Variants in FBN2 observed in about 807,000 individuals in gnomAD.
FBN2 encodes fibrillin 2.
FBN2 carries 105 observed loss-of-function variants against 355.6 expected under a neutral mutation model. The ratio of observed to expected loss-of-function variants is 0.30; its 90% CI spans 0.25 to 0.35. The LOEUF (loss-of-function observed/expected upper bound fraction) is 0.35, where lower values mean the gene tolerates loss of function less well. FBN2 is among the 10% of genes least tolerant of loss of function. The pLI, the probability that FBN2 is intolerant of heterozygous loss-of-function variation, is 1.00. For missense variants in FBN2, 3,280 were observed against 3,758.7 expected (o/e 0.87, Z 3.33); for synonymous variants, 1,350 against 1,301.2 (o/e 1.04, Z -0.81).
intron 7 of FBN2, among the ~76,000 whole-genome samples, chr5:128,416,915 G>T (rs1482443103): frequency 2.0e-5 from 3 of 152,132 alleles, no homozygotes; most frequent in African/African-American, 4.8e-5. Context: ...GATAGGGATT[G>T]CACTGAATCT....
At chr5:128,480,724 CAAAT>C (rs763698450) in intron 5 of FBN2, among the ~76,000 whole-genome samples, 50 of 152,196 alleles carry the variant, frequency 3.3e-4, no homozygotes, top group Non-Finnish European at 5.1e-4. Context: ...GACTCCTTCT[CAAAT>C]AAATAAATAA....
At chr5:128,341,945 A>G (rs1751034550) in intron 25 of FBN2, among the ~76,000 whole-genome samples, 1 of 152,236 alleles carries the variant, frequency 6.6e-6, no homozygotes, top group Admixed American at 6.5e-5. Context: ...GGAGGCTTCA[A>G]TCCTGTTCAA....
At chr5:128,341,046 G>A (rs1021882140) in intron 25 of FBN2, among the ~76,000 whole-genome samples, 10 of 152,258 alleles carry the variant, frequency 6.6e-5, no homozygotes, top group Non-Finnish European at 1.2e-4. Context: ...ATGAGTGTGG[G>A]TACAGGACGG....
At chr5:128,426,290 G>C (rs978471225) in intron 7 of FBN2, among the ~76,000 whole-genome samples, 1 of 152,126 alleles carries the variant, frequency 6.6e-6, no homozygotes, top group Non-Finnish European at 1.5e-5. Context: ...GATCTTGACC[G>C]AGACTTCGAA....
rs539355155 is a variant in FBN2 at position 128,273,738 on chromosome 5, CT to C, written c.7840+101del. On this transcript the variant is annotated intron_variant, in intron 61 of 64. Transcript: ENST00000262464. ...TTGCTGGGTCCTATTTTGTTCAATA[CT>C]TTTTTTTCTTTTTTTCAGATTATAC... is the stretch of plus-strand genomic sequence containing the variant. 1,537 of 1,234,718 alleles carry C rather than the reference CT, an allele frequency of 1.2e-3. 2 individuals are homozygous for C. The highest frequency in any genetic ancestry group is 1.5e-3 in the Non-Finnish European group (1,289 of 849,478). The allele number at this position is 1,234,718 out of a possible 1,614,324, so 76.5% of individuals were successfully genotyped here. A position where few individuals can be genotyped will look rare whatever the true frequency, so the allele number is the denominator to read the frequency against.
intron 6 of FBN2, among the ~76,000 whole-genome samples, chr5:128,457,310 A>T (rs1176742501): frequency 1.3e-5 from 2 of 152,180 alleles, no homozygotes; most frequent in African/African-American, 2.4e-5. Flanking sequence ...TCATAAAATG[A>T]CCTAACCTAC....
chr5:128,479,908 C>T (rs1365305754), intron 5 of FBN2, among the ~76,000 whole-genome samples: 2 of 142,008 alleles, frequency 1.4e-5, no homozygotes, highest in South Asian at 4.6e-4. Flanking sequence ...GCCTGGGCAA[C>T]AGAACAAGAC....
intron 55 of FBN2, among the ~76,000 whole-genome samples, chr5:128,280,559 T>C (rs901669287): frequency 6.6e-6 from 1 of 152,134 alleles, no homozygotes; most frequent in African/African-American, 2.4e-5. Flanking sequence ...AGAGAAGGGA[T>C]AGTGTTAATA....
At chr5:128,359,703 T>C (rs987760665) in intron 19 of FBN2, among the ~76,000 whole-genome samples, 1 of 152,118 alleles carries the variant, frequency 6.6e-6, no homozygotes, top group Non-Finnish European at 1.5e-5. Context: ...TGAAGATCAC[T>C]GTTTCTAACC....
At chr5:128,379,421 G>A (rs1752171051) in intron 11 of FBN2, among the ~76,000 whole-genome samples, 1 of 151,886 alleles carries the variant, frequency 6.6e-6, no homozygotes, top group African/African-American at 2.4e-5. Context: ...CTAAAGCTTG[G>A]ATAATATTTT....
At chr5:128,312,004 G>A (rs1750070993) in intron 37 of FBN2, 51 bp from the exon 38 acceptor site, 2 of 1,266,334 alleles carry the variant, frequency 1.6e-6, no homozygotes, top group Non-Finnish European at 2.3e-6. Context: ...CCAAGTGGCT[G>A]AGACAATGAG....
At chr5:128,445,306 A>T (rs188931084) in intron 7 of FBN2, among the ~76,000 whole-genome samples, 2 of 152,220 alleles carry the variant, frequency 1.3e-5, no homozygotes, top group East Asian at 3.8e-4. Context: ...GTATATAACT[A>T]TAACAATTAA....
intron 48 of FBN2, among the ~76,000 whole-genome samples, chr5:128,295,032 C>T (rs1218118057): frequency 6.6e-6 from 1 of 151,248 alleles, no homozygotes; most frequent in Non-Finnish European, 1.5e-5. Context: ...AGGAAGGGAT[C>T]TAGTTTCAGC....
intron 7 of FBN2, among the ~76,000 whole-genome samples, chr5:128,441,109 G>T (rs1223483655): frequency 6.6e-6 from 1 of 152,064 alleles, no homozygotes; most frequent in Non-Finnish European, 1.5e-5. Flanking sequence ...TCAAGGCTCT[G>T]TATTTTTTTG....
chr5:128,263,984 G>A (rs1765051505), intron 62 of FBN2, among the ~76,000 whole-genome samples: 1 of 152,062 alleles, frequency 6.6e-6, no homozygotes, highest in African/African-American at 2.4e-5. Context: ...TATATCTCGG[G>A]CAAATCCTTA....
At chr5:128,289,814 TA>T in intron 51 of FBN2, 67 bp downstream of exon 51, 1 of 929,626 alleles carries the variant, frequency 1.1e-6, no homozygotes, top group Non-Finnish European at 1.7e-6. Context: ...GCATGAGTTA[TA>T]AAATAAATGT....
intron 5 of FBN2, among the ~76,000 whole-genome samples, chr5:128,495,082 T>A (rs1277537487): frequency 2.6e-5 from 4 of 152,014 alleles, no homozygotes; most frequent in Admixed American, 2.6e-4. Context: ...AGTGAGAATA[T>A]CATCAATGAG....
chr5:128,484,027 A>G (rs1755266041), intron 5 of FBN2, among the ~76,000 whole-genome samples: 1 of 152,218 alleles, frequency 6.6e-6, no homozygotes, highest in South Asian at 2.1e-4. Flanking sequence ...CGAATTACAT[A>G]TGGAATGGGC....
chr5:128,419,685 C>A (rs331087), intron 7 of FBN2, among the ~76,000 whole-genome samples: 95,338 of 151,884 alleles, frequency 0.63, 32,134 homozygotes, highest in African/African-American at 0.88. Context: ...TCAACTGATA[C>A]TGATGTATAA....
Sources: allele counts gnomAD v4.1 joint callset (sites outside exome capture counted in the v4.1 genomes callset), GRCh38; gene constraint gnomAD v4.1.1; transcripts MANE v1.5; gene names NCBI Gene and HGNC (gene_info 2026-07-23, HGNC 2026-07-21).